The following RAB3IP variants were observed in gnomAD, a reference collection of about 807,000 sequenced individuals.
RAB3IP encodes RAB3A interacting protein, also known as rab-3A-interacting protein.
In RAB3IP, 36 loss-of-function variants were observed where a neutral mutation model predicts 59.1. The ratio of observed to expected loss-of-function variants is 0.61; its 90% CI spans 0.47 to 0.80. The LOEUF (loss-of-function observed/expected upper bound fraction) is 0.80, where lower values mean the gene tolerates loss of function less well. Ranked by LOEUF, RAB3IP falls within the 30% of genes least tolerant of loss-of-function variation. The pLI is 0.00. For synonymous variants in RAB3IP, 207 were observed against 191.2 expected, an observed-to-expected ratio of 1.08 and a Z score of -0.68; for missense variants, 511 against 536.0, an observed-to-expected ratio of 0.95 and a Z score of 0.46.
intron 6 of RAB3IP, 193 bp downstream of exon 6, chr12:69,795,537 A>C (rs932437700): frequency 5.5e-5 from 33 of 599,614 alleles, no homozygotes; most frequent in African/African-American, 4.5e-4. Flanking sequence ...CTGACCTTGG[A>C]GTACCTGCTG....
intron 1 of RAB3IP, among the ~76,000 whole-genome samples, chr12:69,749,004 C>A (rs1868794251): frequency 6.6e-6 from 1 of 152,158 alleles, no homozygotes; most frequent in South Asian, 2.1e-4. Context: ...TTAAATGTAT[C>A]CCCCAGAAGG....
chr12:69,786,217 A>G (rs1362220213), intron 4 of RAB3IP, among the ~76,000 whole-genome samples: 1 of 152,144 alleles, frequency 6.6e-6, no homozygotes, highest in East Asian at 1.9e-4. Context: ...CTGCACCATC[A>G]CTAATTGTAA....
chr12:69,739,501 C>T, intron 1 of RAB3IP: 1 of 314,866 alleles, frequency 3.2e-6, no homozygotes, highest in Non-Finnish European at 5.9e-6. Flanking sequence ...CTCACAACAC[C>T]GGACGCCGCG....
chr12:69,779,504 A>T (rs78214817), intron 3 of RAB3IP, among the ~76,000 whole-genome samples: 2 of 150,112 alleles, frequency 1.3e-5, no homozygotes, highest in Non-Finnish European at 3.0e-5. Context: ...TTTTGATGCT[A>T]TCCCATAGAT....
intron 1 of RAB3IP, among the ~76,000 whole-genome samples, chr12:69,747,451 G>GC (rs1868511067): frequency 6.6e-6 from 1 of 152,092 alleles, no homozygotes. Flanking sequence ...ACAGGCGTAT[G>GC]CCACCACACT....
At chr12:69,798,606 A>G (rs886221588) in intron 6 of RAB3IP, among the ~76,000 whole-genome samples, 7 of 152,102 alleles carry the variant, frequency 4.6e-5, no homozygotes, top group Non-Finnish European at 1.0e-4. Flanking sequence ...GCCCATGCCT[A>G]TGTCCTGAAT....
chr12:69,803,426 G>T (rs1878700566), intron 8 of RAB3IP, among the ~76,000 whole-genome samples: 1 of 152,068 alleles, frequency 6.6e-6, no homozygotes, highest in Non-Finnish European at 1.5e-5. Context: ...AGGAAGACAA[G>T]ATCATTCAAA....
At chr12:69,772,287 T>C (rs1873256453) in intron 3 of RAB3IP, among the ~76,000 whole-genome samples, 1 of 152,204 alleles carries the variant, frequency 6.6e-6, no homozygotes, top group African/African-American at 2.4e-5. Flanking sequence ...TTTCAGTCTC[T>C]GTATGTCCTT....
At chr12:69,752,390 TG>T in intron 1 of RAB3IP, among the ~76,000 whole-genome samples, 1 of 152,096 alleles carries the variant, frequency 6.6e-6, no homozygotes, top group Admixed American at 6.5e-5. Context: ...TTATTTATCC[TG>T]TTTTTTATCT....
At chr12:69,744,950 T>C (rs1467168778) in intron 1 of RAB3IP, among the ~76,000 whole-genome samples, 1 of 152,200 alleles carries the variant, frequency 6.6e-6, no homozygotes, top group African/African-American at 2.4e-5. Context: ...TTTATATATA[T>C]ACTTGTTTTG....
intron 3 of RAB3IP, among the ~76,000 whole-genome samples, chr12:69,757,167 A>C (rs576124701): frequency 1.3e-5 from 2 of 152,216 alleles, no homozygotes; most frequent in Admixed American, 6.5e-5. Flanking sequence ...ACTTGTGGCC[A>C]TATCTTATTC....
chr12:69,768,072 C>T (rs1872513924), intron 3 of RAB3IP, among the ~76,000 whole-genome samples: 1 of 152,148 alleles, frequency 6.6e-6, no homozygotes, highest in African/African-American at 2.4e-5. Flanking sequence ...AGCTTCTGAT[C>T]CAGCAAGCTG....
intron 3 of RAB3IP, among the ~76,000 whole-genome samples, chr12:69,758,611 C>T (rs1009259811): frequency 6.6e-6 from 1 of 152,036 alleles, no homozygotes; most frequent in Admixed American, 6.6e-5. Context: ...GTATGTTTCA[C>T]TTCTTTGTGT....
intron 4 of RAB3IP, among the ~76,000 whole-genome samples, chr12:69,789,703 A>G (rs1367843052): frequency 2.6e-5 from 4 of 152,188 alleles, no homozygotes; most frequent in African/African-American, 4.8e-5. Context: ...TTAGAAAATC[A>G]AATTCAGTAA....
At chr12:69,773,423 T>TTTA (rs869199254) in intron 3 of RAB3IP, among the ~76,000 whole-genome samples, 4 of 126,482 alleles carry the variant, frequency 3.2e-5, no homozygotes, top group South Asian at 5.4e-4. Flanking sequence ...TTTTTTTTTT[T>TTTA]ATTATACTCT....
chr12:69,755,302 C>A, intron 1 of RAB3IP, 82 bp from the exon 2 acceptor site: 1 of 1,231,388 alleles, frequency 8.1e-7, no homozygotes, highest in South Asian at 1.5e-5. Flanking sequence ...GACTGTTAAA[C>A]ACATTTTATA....
At chr12:69,761,718 A>G (rs1299723744) in intron 3 of RAB3IP, among the ~76,000 whole-genome samples, 1 of 152,234 alleles carries the variant, frequency 6.6e-6, no homozygotes, top group Admixed American at 6.5e-5. Flanking sequence ...ATACATGTAT[A>G]TGCGGTTATA....
intron 3 of RAB3IP, among the ~76,000 whole-genome samples, chr12:69,781,541 C>T (rs1874702570): frequency 6.6e-6 from 1 of 152,184 alleles, no homozygotes; most frequent in Admixed American, 6.5e-5. Context: ...TCCCTTCCTC[C>T]CTAAAAACCC....
intron 10 of RAB3IP, among the ~76,000 whole-genome samples, chr12:69,813,662 T>G (rs1004212036): frequency 6.6e-6 from 1 of 151,784 alleles, no homozygotes; most frequent in African/African-American, 2.4e-5. Context: ...GCCTGACAGC[T>G]CCAAAGCAGT....
Sources: gnomAD v4.1 joint callset for allele counts (sites outside exome capture counted in the v4.1 genomes callset) on GRCh38, gnomAD v4.1.1 for gene constraint, MANE v1.5 for transcripts, NCBI Gene and HGNC (gene_info 2026-07-23, HGNC 2026-07-21) for gene names.